The following DARS1 variants were observed in gnomAD, a reference collection of about 807,000 sequenced individuals.
The protein encoded by DARS1 is aspartate--tRNA ligase, cytoplasmic.
A neutral mutation model predicts 68.8 loss-of-function variants in DARS1; 51 were observed. The observed-to-expected ratio is 0.74, with a 90% CI of 0.59 to 0.94. The LOEUF (loss-of-function observed/expected upper bound fraction) is 0.94. Among genes scored for constraint, DARS1 ranks in the 40% least tolerant of loss-of-function variants. The probability of loss-of-function intolerance (pLI) is 0.00; values close to 1 mark genes in which losing one functional copy is unlikely to be tolerated. For missense variants in DARS1, 607 were observed against 597.3 expected, an observed-to-expected ratio of 1.02 and a Z score of -0.17; for synonymous variants, 203 against 190.4, an observed-to-expected ratio of 1.07 and a Z score of -0.55.
In DARS1 at chr2:135,961,562, G is replaced by A. The variant is rs189926584; in HGVS notation, c.218-64C>T. 1.1e-4 allele frequency: 96 copies of A among 887,586 alleles called. No homozygotes were observed. The African/African-American group carries it at 1.5e-3, about 14-fold the overall frequency. The allele number at this position is 887,586 out of a possible 1,614,324, so 55.0% of individuals were successfully genotyped here. On this transcript the variant is annotated intron_variant, in intron 3 of 15. Transcript: ENST00000264161. ...CGCAACTTCAGGTTTTACAAAGAAG[G>A]AAAATGCTCTCTACTTTAAAAGTGG... is the stretch of plus-strand genomic sequence containing the variant.
intron 15 of DARS1, 34 bp from the exon 16 acceptor site, chr2:135,907,441 T>C (rs1039085577): frequency 6.2e-6 from 9 of 1,462,294 alleles, no homozygotes; most frequent in African/African-American, 4.2e-5. Flanking sequence ...TAATTCCTTT[T>C]TGAAAATCTC....
chr2:135,964,797 T>C (rs2104836882), intron 3 of DARS1, among the ~76,000 whole-genome samples: 1 of 135,308 alleles, frequency 7.4e-6, no homozygotes, highest in Middle Eastern at 4.9e-3. Flanking sequence ...GCTGAGATCG[T>C]GTCACTGCAC....
At chr2:135,941,804 A>G (rs1217111192) in intron 5 of DARS1, among the ~76,000 whole-genome samples, 1 of 152,180 alleles carries the variant, frequency 6.6e-6, no homozygotes, top group Non-Finnish European at 1.5e-5. Flanking sequence ...AACTCCAACA[A>G]ATTTACAAGA....
chr2:135,981,034 G>A (rs1455996263), intron 2 of DARS1, among the ~76,000 whole-genome samples: 1 of 152,212 alleles, frequency 6.6e-6, no homozygotes, highest in African/African-American at 2.4e-5. Context: ...GGGCATCAGA[G>A]TGATTAATGC....
chr2:135,948,471 A>G (rs1446395349), intron 4 of DARS1, among the ~76,000 whole-genome samples: 2 of 152,188 alleles, frequency 1.3e-5, no homozygotes, highest in African/African-American at 4.8e-5. Context: ...TTGCATACTC[A>G]AGCCCAGCAG....
chr2:135,935,231 T>C (rs1187257410), intron 5 of DARS1, among the ~76,000 whole-genome samples: 1 of 152,148 alleles, frequency 6.6e-6, no homozygotes, highest in Non-Finnish European at 1.5e-5. Context: ...ATTAAACATG[T>C]TACAAACATC....
chr2:135,945,569 A>G (rs185957192), intron 4 of DARS1, among the ~76,000 whole-genome samples: 2 of 152,198 alleles, frequency 1.3e-5, no homozygotes, highest in African/African-American at 4.8e-5. Context: ...TTCTCATTCA[A>G]AAGTACCAGA....
intron 4 of DARS1, among the ~76,000 whole-genome samples, chr2:135,957,788 A>G (rs1056520647): frequency 6.6e-6 from 1 of 152,224 alleles, no homozygotes; most frequent in South Asian, 2.1e-4. Flanking sequence ...AATCACTTAA[A>G]TAAGTTCTGT....
At chr2:135,967,840 A>G (rs769275376) in intron 3 of DARS1, among the ~76,000 whole-genome samples, 10 of 152,196 alleles carry the variant, frequency 6.6e-5, no homozygotes, top group Non-Finnish European at 1.5e-4. Context: ...TCCTGGGGTT[A>G]AAGCACACAA....
In DARS1 at chr2:135,911,421, G is replaced by A. The variant is rs752272826; in HGVS notation, c.1303C>T (p.Pro435Ser). The stretch of plus-strand genomic sequence containing the variant: ...AAAGCTCTCTCTGTTAGCAGTTGAG[G>A]ATCATGTATTCTTTGAGCTCCTGAC... Reference protein sequence around the residue: ...ILSGAQRIHDPQLLTERALHH... With the variant: ...ILSGAQRIHDSQLLTERALHH... The change falls in exon 14 of 16, where the codon CCT becomes TCT. Residue 435 changes from proline (P) to serine (S), a missense_variant. Pro to Ser is a moderately conservative substitution (Grantham distance 74). Coordinates refer to ENST00000264161, the MANE Select transcript of DARS1 (RefSeq NM_001349.4). 1.9e-6 allele frequency: 2 copies of A among 1,055,576 alleles called. No homozygotes were observed. Among genetic ancestry groups the A allele is most frequent in the Non-Finnish European group, 3.0e-6 (2 of 669,150 alleles). The allele number at this position is 1,055,576 out of a possible 1,614,324, so 65.4% of individuals were successfully genotyped here.
intron 9 of DARS1, 70 bp from the exon 10 acceptor site, chr2:135,920,670 C>T (rs752879799): frequency 2.7e-6 from 4 of 1,482,862 alleles, no homozygotes; most frequent in East Asian, 4.8e-5. Context: ...GATTTAAATA[C>T]AAACTTTTAT....
At chr2:135,907,535 T>C (rs1680814575) in intron 15 of DARS1, 128 bp from the exon 16 acceptor site, 1 of 595,884 alleles carries the variant, frequency 1.7e-6, no homozygotes, top group Admixed American at 3.5e-5. Flanking sequence ...ATGACTCTTA[T>C]TATTTTGGGT....
intron 3 of DARS1, among the ~76,000 whole-genome samples, chr2:135,963,405 CTT>C (rs1682142986): frequency 6.7e-6 from 1 of 149,266 alleles, no homozygotes; most frequent in Non-Finnish European, 1.5e-5. Flanking sequence ...GAGTTTTGCT[CTT>C]GTTGCCCAGG....
intron 7 of DARS1, among the ~76,000 whole-genome samples, chr2:135,925,769 G>A (rs1355168329): frequency 1.3e-5 from 2 of 152,092 alleles, no homozygotes; most frequent in Non-Finnish European, 2.9e-5. Context: ...TTAGTGAAAC[G>A]TCTGGTTCAT....
At chr2:135,918,194 C>T (rs1457159200) in intron 10 of DARS1, among the ~76,000 whole-genome samples, 3 of 152,208 alleles carry the variant, frequency 2.0e-5, no homozygotes, top group Non-Finnish European at 4.4e-5. Flanking sequence ...GCTGGGATTA[C>T]AGGCATGAGC....
intron 7 of DARS1, among the ~76,000 whole-genome samples, chr2:135,927,796 T>C (rs1266082693): frequency 2.0e-5 from 3 of 152,138 alleles, no homozygotes; most frequent in African/African-American, 7.2e-5. Context: ...AAGCTTGACA[T>C]TCCTTATATT....
Position 135,936,524 on chromosome 2 carries a change from GC to G in DARS1, c.424-2535del, listed in dbSNP as rs1472348159. On this transcript the variant is annotated intron_variant, in intron 5 of 15. Transcript: ENST00000264161. ...GATCCTCCCACCCTGGCCTCCCAAAGCACTGGGATTGCAGGTGTGAGCCACC... is the reference window on the plus strand; with the variant it reads ...GATCCTCCCACCCTGGCCTCCCAAAGACTGGGATTGCAGGTGTGAGCCACC... 2.0e-5 allele frequency among the ~76,000 whole-genome samples: 3 copies of G among 152,038 alleles called. No homozygotes were observed. The East Asian group carries it at 5.8e-4, about 29-fold the overall frequency.
chr2:135,925,016 G>A (rs1028763331), intron 7 of DARS1, among the ~76,000 whole-genome samples: 1 of 152,108 alleles, frequency 6.6e-6, no homozygotes, highest in African/African-American at 2.4e-5. Context: ...TACAATAAAA[G>A]GGGTAGGCAT....
At chr2:135,960,567 ATTCT>A (rs1474629396) in intron 4 of DARS1, among the ~76,000 whole-genome samples, 1 of 152,240 alleles carries the variant, frequency 6.6e-6, no homozygotes, top group Non-Finnish European at 1.5e-5. Flanking sequence ...CTCTGATTGA[ATTCT>A]TTCTTTTAAA....
Sources: allele counts gnomAD v4.1 joint callset (sites outside exome capture counted in the v4.1 genomes callset), GRCh38; gene constraint gnomAD v4.1.1; transcripts MANE v1.5; gene names NCBI Gene and HGNC (gene_info 2026-07-23, HGNC 2026-07-21).